The following ANKMY1 variants were observed in gnomAD, a reference collection of about 807,000 sequenced individuals.
ANKMY1 encodes the protein ankyrin repeat and MYND domain-containing protein 1.
In ANKMY1, 98 loss-of-function variants were observed where a neutral mutation model predicts 102.0. The ratio of observed to expected loss-of-function variants is 0.96; its 90% CI spans 0.82 to 1.14. ANKMY1 has a LOEUF of 1.14. Among genes scored for constraint, ANKMY1 ranks in the 50% most tolerant of loss-of-function variants. The pLI is 0.00. For synonymous variants in ANKMY1, 582 were observed against 559.9 expected, an observed-to-expected ratio of 1.04 and a Z score of -0.56; for missense variants, 1,330 against 1,347.6, an observed-to-expected ratio of 0.99 and a Z score of 0.20.
At position 240,523,929 on chromosome 2, in the gene ANKMY1, G is replaced by A. The variant is rs769619718; in HGVS notation, c.1788C>T (p.Ser596=). 2.5e-6 allele frequency: 4 copies of A among 1,613,770 alleles called. No individual in the cohort carries two copies. Among genetic ancestry groups the A allele is most frequent in the Admixed American group, 1.7e-5 (1 of 60,036 alleles). Residue 596 remains serine, a synonymous_variant, in exon 8 of 18, where the codon AGC becomes AGT. Transcript: ENST00000401804. ...TCCTCCGCATGGTCCCTTTGTCGAA[G>A]CTGCTGGTGCACGGTGAGGGCGAGG... is the stretch of plus-strand genomic sequence containing the variant. ...KMASPSPCTS[S]FDKGTMRRMA...
chr2:240,521,491 CTTTT>C (rs1162330484), intron 8 of ANKMY1, among the ~76,000 whole-genome samples: 6 of 69,588 alleles, frequency 8.6e-5, no homozygotes, highest in African/African-American at 1.8e-4. Flanking sequence ...GGTGTTACAG[CTTTT>C]TTTTTTTTTT....
Position 240,496,477 on chromosome 2 carries a change from T to C in ANKMY1, c.2806+3481A>G, listed in dbSNP as rs560711091. Among the ~76,000 whole-genome samples the C allele has an allele frequency of 1.9e-3, 291 of 152,098 alleles. 4 individuals carry two copies. The highest frequency in any genetic ancestry group is 0.01 in the South Asian group (50 of 4,826). The stretch of plus-strand genomic sequence containing the variant: ...ATTTCTCATCATTCTTTTTTCTCTC[T>C]TAGTCTCCCACTTTTCTCTGAGGAC... On this transcript the variant is annotated intron_variant, in intron 15 of 17. Transcript: ENST00000401804.
chr2:240,495,109 C>T (rs1455538107), intron 15 of ANKMY1, among the ~76,000 whole-genome samples: 2 of 152,074 alleles, frequency 1.3e-5, no homozygotes, highest in Non-Finnish European at 2.9e-5. Context: ...TCTGTTATGC[C>T]CGGACAGGGC....
chr2:240,512,350 C>T (rs2080373908), intron 10 of ANKMY1, among the ~76,000 whole-genome samples: 1 of 152,190 alleles, frequency 6.6e-6, no homozygotes. Flanking sequence ...GGGCTCAACC[C>T]CTTGTGGAGG....
At chr2:240,532,079 T>C (rs1316416418) in intron 4 of ANKMY1, 2 of 468,598 alleles carry the variant, frequency 4.3e-6, no homozygotes, top group Non-Finnish European at 4.4e-6. Context: ...AGGCAATATT[T>C]GAAGAAATAA....
intron 4 of ANKMY1, among the ~76,000 whole-genome samples, chr2:240,535,550 A>G (rs964057032): frequency 6.6e-6 from 1 of 152,230 alleles, no homozygotes; most frequent in Non-Finnish European, 1.5e-5. Context: ...TTTTTCCCAC[A>G]AGAGACTTTG....
chr2:240,492,130 C>T (rs756306059), intron 15 of ANKMY1, among the ~76,000 whole-genome samples: 2 of 152,088 alleles, frequency 1.3e-5, no homozygotes, highest in Admixed American at 6.5e-5. Context: ...GCAGCTAGTA[C>T]TACAGGTGCA....
chr2:240,550,490 G>A (rs2091313643), intron 4 of ANKMY1, among the ~76,000 whole-genome samples: 1 of 151,696 alleles, frequency 6.6e-6, no homozygotes. Flanking sequence ...TTGTGCACAT[G>A]TACCCTGAAA....
At chr2:240,473,478 C>A in the ANKMY1 span, among the ~76,000 whole-genome samples, 128 of 134,970 alleles carry the variant, frequency 9.5e-4, no homozygotes, top group Admixed American at 4.7e-3. Context: ...ACCAATTAAC[C>A]AAAAAAAAAA....
chr2:240,550,792 T>C (rs1012284436), intron 4 of ANKMY1, among the ~76,000 whole-genome samples: 1 of 152,148 alleles, frequency 6.6e-6, no homozygotes, highest in Non-Finnish European at 1.5e-5. Flanking sequence ...TAGTTAATGA[T>C]TATTATGTTA....
rs2084867904 is a variant in ANKMY1, at chr2:240,529,726, G to C, written c.481-217C>G. Reference sequence around the variant, plus strand: ...CAGGAAGGAGGGCACTCCAGAGAGTGCATGGAGGGGCAAGGGGGCAGCCAG... The same window carrying C: ...CAGGAAGGAGGGCACTCCAGAGAGTCCATGGAGGGGCAAGGGGGCAGCCAG... On this transcript the variant is annotated intron_variant, in intron 4 of 17. Transcript: ENST00000401804. The surrounding 1 kb of genome is among the most constrained non-coding windows in gnomAD (Gnocchi z 4.2). Among the ~76,000 whole-genome samples, 1 of 152,224 alleles carries C rather than the reference G, an allele frequency of 6.6e-6. No homozygotes were observed. Among genetic ancestry groups the C allele is most frequent in the African/African-American group, 2.4e-5 (1 of 41,456 alleles).
At chr2:240,470,549 T>C in the ANKMY1 span, among the ~76,000 whole-genome samples, 1 of 152,118 alleles carries the variant, frequency 6.6e-6, no homozygotes, top group Non-Finnish European at 1.5e-5. Flanking sequence ...CCTGGAAATA[T>C]GAACAGGAAC....
In ANKMY1 at chr2:240,526,306, A is replaced by G. The variant is rs1464872967; in HGVS notation, c.1093T>C (p.Cys365Arg). ...GCAAAGTTGTCCTTCAGGATCCTAC[A>G]AATCCATTCGTGGTTCCCTTCCTCA... ...KAEEGNHEWI[C>R]RILKDNFASA... The change falls in exon 6 of 18, where the codon TGT becomes CGT. Residue 365 changes from cysteine (C) to arginine (R), a missense_variant. By Grantham distance (180) the Cys-to-Arg change is radical. Transcript: ENST00000401804. 6.2e-7 allele frequency: 1 copy of G among 1,614,160 alleles called. No individual in the cohort carries two copies. Among genetic ancestry groups the G allele is most frequent in the Admixed American group, 1.7e-5 (1 of 60,026 alleles).
chr2:240,497,776 T>C (rs868173698), intron 15 of ANKMY1, among the ~76,000 whole-genome samples: 1 of 152,240 alleles, frequency 6.6e-6, no homozygotes, highest in African/African-American at 2.4e-5. Flanking sequence ...TGAAGCTCAC[T>C]GTTTTATGGT....
At chr2:240,541,781 C>A (rs986806314) in intron 4 of ANKMY1, among the ~76,000 whole-genome samples, 1 of 151,972 alleles carries the variant, frequency 6.6e-6, no homozygotes, top group South Asian at 2.1e-4. Flanking sequence ...GGATTACAGG[C>A]GTGAGCCACC....
Position 240,479,638 on chromosome 2 carries a change from C to T in ANKMY1, c.3064G>A (p.Val1022Ile). 6.2e-7 allele frequency: 1 copy of T among 1,613,838 alleles called. No homozygotes were observed. Among genetic ancestry groups the T allele is most frequent in the Non-Finnish European group, 8.5e-7 (1 of 1,180,034 alleles). ...LVAIVTQLEQ[V>I]SRRREEFQ is the part of the protein sequence containing the mutation. ...TGGAATTCTTCTCTCCTCCTGGAAA[C>T]TTGCTCCAGTTGTGTCACTGGAGGA... The change falls in exon 18 of 18, where the codon GTT becomes ATT. Residue 1022 changes from valine (V) to isoleucine (I), a missense_variant. Coordinates refer to ENST00000401804, the MANE Select transcript of ANKMY1 (RefSeq NM_001282771.3).
chr2:240,488,239 A>G (rs2076276837), intron 15 of ANKMY1, among the ~76,000 whole-genome samples: 1 of 152,182 alleles, frequency 6.6e-6, no homozygotes, highest in African/African-American at 2.4e-5. Flanking sequence ...TCCTTTCCCC[A>G]GTGTATGTTC....
chr2:240,535,496 G>C (rs1211178080), intron 4 of ANKMY1, among the ~76,000 whole-genome samples: 1 of 152,184 alleles, frequency 6.6e-6, no homozygotes, highest in African/African-American at 2.4e-5. Flanking sequence ...TGGAAAGAAA[G>C]GAAGGAAAAC....
intron 4 of ANKMY1, among the ~76,000 whole-genome samples, chr2:240,552,371 G>A (rs1363474065): frequency 1.3e-5 from 2 of 152,140 alleles, no homozygotes; most frequent in African/African-American, 4.8e-5. Context: ...AAAATTCTAG[G>A]CCAAAATAGA....
Sources: allele counts gnomAD v4.1 joint callset (sites outside exome capture counted in the v4.1 genomes callset), GRCh38; gene constraint gnomAD v4.1.1; non-coding constraint Gnocchi (gnomAD v3.1); transcripts MANE v1.5; gene names NCBI Gene and HGNC (gene_info 2026-07-23, HGNC 2026-07-21).